The following PGLYRP4 variants were observed in gnomAD, a reference collection of about 807,000 sequenced individuals.
The protein encoded by PGLYRP4 is PGRP-I-beta.
Under a neutral mutation model 41.2 loss-of-function variants are expected in PGLYRP4, and 39 were observed. The ratio of observed to expected loss-of-function variants is 0.95; its 90% CI spans 0.73 to 1.24. The LOEUF (loss-of-function observed/expected upper bound fraction) is 1.24. Among genes scored for constraint, PGLYRP4 ranks in the 50% most tolerant of loss-of-function variants. The probability of loss-of-function intolerance (pLI) is 0.00; values close to 1 mark genes in which losing one functional copy is unlikely to be tolerated. For synonymous variants in PGLYRP4, 202 were observed against 186.8 expected (o/e 1.08, Z -0.66); for missense variants, 467 against 460.7 (o/e 1.01, Z -0.13).
chr1:153,345,200 G>T lies in PGLYRP4; in HGVS notation c.322C>A (p.His108Asn). ...RLRELQAHHV[H>N]NNSGCDVAYN... ...GCCACATCACACCCACTGTTGTTGTGGACATGATGGGCCTGCAGTTCCCGC... is the reference window on the plus strand; with the variant it reads ...GCCACATCACACCCACTGTTGTTGTTGACATGATGGGCCTGCAGTTCCCGC... Residue 108 changes from histidine (H) to asparagine (N), a missense_variant, in exon 4 of 9, where the codon CAC (histidine) becomes AAC (asparagine). Physicochemically the swap from His to Asn is moderately conservative, Grantham distance 68. Coordinates refer to ENST00000359650, the MANE Select transcript of PGLYRP4 (RefSeq NM_020393.4). The T allele has an allele frequency of 6.2e-7, 1 of 1,613,392 alleles. No individual in the cohort carries two copies.
intron 4 of PGLYRP4, among the ~76,000 whole-genome samples, chr1:153,344,495 C>T (rs758854076): frequency 6.6e-6 from 1 of 152,158 alleles, no homozygotes; most frequent in Non-Finnish European, 1.5e-5. Context: ...TCCCTTTTGT[C>T]GTCAGGGGCT....
intron 7 of PGLYRP4, among the ~76,000 whole-genome samples, chr1:153,339,505 A>T (rs114131092): frequency 0.016 from 2,422 of 152,332 alleles, 67 homozygotes; most frequent in African/African-American, 0.055. Context: ...ATGAATGTGC[A>T]TGAATATGCC....
In PGLYRP4 at chr1:153,337,261, A is replaced by T; in HGVS notation, c.863T>A (p.Val288Glu). Residue 288 changes from valine to glutamate, a missense_variant, in exon 8 of 9, where the codon GTG becomes GAG. Coordinates refer to ENST00000359650, the MANE Select transcript of PGLYRP4 (RefSeq NM_020393.4). The part of the protein sequence containing the change: ...VGQDGAIYEG[V>E]GWNVQGSSTP... Reference sequence around the variant, plus strand: ...GGAGGAGCCTTGGACATTCCAGCCCACCCCTTCATAAATGGCGCCATCCTG... The same window carrying T: ...GGAGGAGCCTTGGACATTCCAGCCCTCCCCTTCATAAATGGCGCCATCCTG... 6.2e-7 allele frequency: 1 copy of T among 1,612,872 alleles called. No individual in the cohort carries two copies. Among genetic ancestry groups the T allele is most frequent in the Non-Finnish European group, 8.5e-7 (1 of 1,179,408 alleles).
intron 7 of PGLYRP4, among the ~76,000 whole-genome samples, chr1:153,338,432 A>G (rs1395611724): frequency 6.6e-6 from 1 of 152,124 alleles, no homozygotes; most frequent in Non-Finnish European, 1.5e-5. Context: ...ACCCTTTCCC[A>G]TCCAGTCCAT....
chr1:153,331,321 C>T (rs1023725537), intron 8 of PGLYRP4, among the ~76,000 whole-genome samples: 5 of 152,190 alleles, frequency 3.3e-5, no homozygotes, highest in African/African-American at 1.2e-4. Context: ...GCCAAGGATA[C>T]TGCTAAACAT....
intron 8 of PGLYRP4, among the ~76,000 whole-genome samples, chr1:153,336,527 A>G (rs562637499): frequency 6.6e-6 from 1 of 152,304 alleles, no homozygotes; most frequent in Admixed American, 6.5e-5. Context: ...AAAGCTAAAC[A>G]ATGGGTACAT....
intron 4 of PGLYRP4, 78 bp from the exon 5 acceptor site, chr1:153,343,286 C>T: frequency 1.1e-6 from 1 of 916,974 alleles, no homozygotes; most frequent in Non-Finnish European, 1.7e-6. Context: ...TACCCAGCCT[C>T]AAAATGGAGA....
chr1:153,340,674 C>T, intron 6 of PGLYRP4, 95 bp from the exon 7 acceptor site: 2 of 1,248,464 alleles, frequency 1.6e-6, no homozygotes, highest in South Asian at 1.4e-5. Context: ...GGACCCTCAA[C>T]TTCCCAAACC....
chr1:153,346,288 C>T, intron 2 of PGLYRP4, 97 bp from the exon 3 acceptor site: 1 of 879,732 alleles, frequency 1.1e-6, no homozygotes, highest in Non-Finnish European at 1.9e-6. Flanking sequence ...CTCTCCACTG[C>T]CCCTCTGCCT....
chr1:153,336,266 G>A (rs1030102551), intron 8 of PGLYRP4, among the ~76,000 whole-genome samples: 6 of 150,868 alleles, frequency 4.0e-5, no homozygotes, highest in African/African-American at 1.5e-4. Flanking sequence ...AGCTACTCGG[G>A]AGGTTGAGGC....
chr1:153,341,504 T>G lies in PGLYRP4; in HGVS notation c.625+123A>C. 3.5e-6 allele frequency: 3 copies of G among 854,344 alleles called. No individual in the cohort carries two copies. The South Asian group carries it at 5.5e-5, about 16-fold the overall frequency. 52.9% of individuals were successfully genotyped at this position (854,344 alleles called of 1,614,324 possible). A position where few individuals can be genotyped will look rare whatever the true frequency, so the allele number is the denominator to read the frequency against. ...AGCCCCAAGAGTTCAGAGAGTTGGGTGGCCAGTTGCCTTCCAGAAGGAATC... is the reference window on the plus strand; with the variant it reads ...AGCCCCAAGAGTTCAGAGAGTTGGGGGGCCAGTTGCCTTCCAGAAGGAATC... On this transcript the variant is annotated intron_variant, in intron 6 of 8. Coordinates refer to ENST00000359650, the MANE Select transcript of PGLYRP4 (RefSeq NM_020393.4).
In PGLYRP4 at chr1:153,332,783, T is replaced by C. The variant is rs77966292; in HGVS notation, c.944-1838A>G. 8.5e-5 allele frequency among the ~76,000 whole-genome samples: 13 copies of C among 152,256 alleles called. No homozygotes were observed. In the East Asian group the frequency reaches 1.9e-3, roughly 23 times the overall value. On this transcript the variant is annotated intron_variant, in intron 8 of 8. Transcript: ENST00000359650. ...TAAACAACCTGCTCCTGAATGGTCA[T>C]TGGGTCGATGATAAAATTAAGGCCA...
chr1:153,333,819 A>C (rs552210081), intron 8 of PGLYRP4, among the ~76,000 whole-genome samples: 25 of 152,278 alleles, frequency 1.6e-4, no homozygotes, highest in African/African-American at 6.0e-4. Flanking sequence ...AAAACTATAT[A>C]ATAGTTTTGA....
At chr1:153,344,772 T>C (rs1184802238) in intron 4 of PGLYRP4, among the ~76,000 whole-genome samples, 1 of 152,130 alleles carries the variant, frequency 6.6e-6, no homozygotes, top group East Asian at 1.9e-4. Context: ...TCCATAGATA[T>C]GTGACCTCAA....
Position 153,341,292 on chromosome 1 carries a change from G to A in PGLYRP4, c.625+335C>T, listed in dbSNP as rs368873802. ...TGCCCTCTAGACTGAAACTTCATGA[G>A]GCCAGGGACTTTTGCTTTTCATTCC... On this transcript the variant is annotated intron_variant, in intron 6 of 8. Transcript: ENST00000359650. 5.3e-4 allele frequency among the ~76,000 whole-genome samples: 81 copies of A among 152,308 alleles called. No homozygotes were observed. The South Asian group carries it at 0.016, about 31-fold the overall frequency.
chr1:153,342,787 G>A (rs1335175850), intron 5 of PGLYRP4, among the ~76,000 whole-genome samples: 1 of 152,220 alleles, frequency 6.6e-6, no homozygotes, highest in Non-Finnish European at 1.5e-5. Flanking sequence ...ATAGAGGAGA[G>A]AGCTGAAGCC....
At chr1:153,336,817 C>T (rs1660587790) in intron 8 of PGLYRP4, among the ~76,000 whole-genome samples, 1 of 152,144 alleles carries the variant, frequency 6.6e-6, no homozygotes, top group South Asian at 2.1e-4. Context: ...CTCACTGTGG[C>T]TTTGGCATAT....
chr1:153,337,672 T>C (rs1044001884), intron 7 of PGLYRP4, among the ~76,000 whole-genome samples: 3 of 152,156 alleles, frequency 2.0e-5, no homozygotes, highest in Non-Finnish European at 4.4e-5. Flanking sequence ...AGCACACCAC[T>C]GCGGCCCCCA....
rs374173079 is a variant in PGLYRP4, at chr1:153,337,148, G to A, written c.943+33C>T. 293 of 1,372,076 alleles carry A rather than the reference G, an allele frequency of 2.1e-4. No homozygotes were observed. In the African/African-American group the frequency reaches 3.8e-3, roughly 18 times the overall value. 85.0% of individuals were successfully genotyped at this position (1,372,076 alleles called of 1,614,324 possible). A position where few individuals can be genotyped will look rare whatever the true frequency, so the allele number is the denominator to read the frequency against. ...TCAGATGCTCTCTTTCAAATACCAT[G>A]CAATGACCCTACTGACCAAAGCATC... On this transcript the variant is annotated intron_variant, in intron 8 of 8. Coordinates refer to ENST00000359650, the MANE Select transcript of PGLYRP4 (RefSeq NM_020393.4).
Sources: gnomAD v4.1 joint callset for allele counts (sites outside exome capture counted in the v4.1 genomes callset) on GRCh38, gnomAD v4.1.1 for gene constraint, MANE v1.5 for transcripts, NCBI Gene and HGNC (gene_info 2026-07-23, HGNC 2026-07-21) for gene names.